The following SLAMF9 variants were observed in gnomAD, a reference collection of about 807,000 sequenced individuals.
The protein encoded by SLAMF9 is CD2 family member 10.
Under a neutral mutation model 30.4 loss-of-function variants are expected in SLAMF9, and 25 were observed. The observed-to-expected ratio is 0.82, with a 90% CI of 0.60 to 1.15. The LOEUF is 1.15. Among genes scored for constraint, SLAMF9 ranks in the 50% most tolerant of loss-of-function variants. The pLI is 0.00. For missense variants in SLAMF9, 344 were observed against 346.1 expected, an observed-to-expected ratio of 0.99 and a Z score of 0.05; for synonymous variants, 129 against 127.2, an observed-to-expected ratio of 1.01 and a Z score of -0.09.
the SLAMF9 span, among the ~76,000 whole-genome samples, chr1:159,970,208 T>C: frequency 1.3e-5 from 2 of 152,190 alleles, no homozygotes; most frequent in Non-Finnish European, 2.9e-5. Context: ...TCTGCCTCCA[T>C]TGAGAATCAC....
At chr1:159,970,264 C>T in the SLAMF9 span, among the ~76,000 whole-genome samples, 1 of 152,244 alleles carries the variant, frequency 6.6e-6, no homozygotes, top group African/African-American at 2.4e-5. Context: ...ACCCAAGCCA[C>T]CTCATATGAG....
At position 159,951,649 on chromosome 1, in the gene SLAMF9, C is replaced by T. The variant is rs746173192; in HGVS notation, c.*12G>A. On this transcript the variant is annotated 3_prime_UTR_variant, in exon 4 of 4. Transcript: ENST00000368093. The stretch of plus-strand genomic sequence containing the variant: ...AGAAACCAAGCTCAGGACTGGGGTT[C>T]CCAAGGAGCAGTCAGGCAGGGCTGG... 3.1e-6 allele frequency: 5 copies of T among 1,613,042 alleles called. No homozygotes were observed. Among genetic ancestry groups the T allele is most frequent in the Non-Finnish European group, 4.2e-6 (5 of 1,179,732 alleles).
At chr1:159,968,060 T>G in the SLAMF9 span, among the ~76,000 whole-genome samples, 1 of 152,240 alleles carries the variant, frequency 6.6e-6, no homozygotes, top group African/African-American at 2.4e-5. Context: ...ACAATTTCAC[T>G]TCTTCCTTTA....
chr1:159,973,407 C>T, the SLAMF9 span: 1 of 506,712 alleles, frequency 2.0e-6, no homozygotes, highest in Non-Finnish European at 3.5e-6. Context: ...GCAGTTTCAT[C>T]ACCAAGACCT....
At chr1:159,975,631 A>C in the SLAMF9 span, among the ~76,000 whole-genome samples, 230 of 152,262 alleles carry the variant, frequency 1.5e-3, no homozygotes, top group African/African-American at 5.2e-3. Context: ...ATGGCTGCCA[A>C]GTAAAGAATG....
the SLAMF9 span, among the ~76,000 whole-genome samples, chr1:159,965,145 G>C: frequency 5.3e-5 from 8 of 152,202 alleles, no homozygotes; most frequent in Admixed American, 3.9e-4. Context: ...CTAGGTGTGG[G>C]ACACAGCAGT....
chr1:159,976,086 AGTGTGTGTGT>A, the SLAMF9 span, among the ~76,000 whole-genome samples: 19,082 of 148,296 alleles, frequency 0.13, 1,215 homozygotes, highest in Middle Eastern at 0.21. Context: ...TATAGGTTGT[AGTGTGTGTGT>A]GTGTGTGTGT....
chr1:159,968,888 T>TA, the SLAMF9 span, among the ~76,000 whole-genome samples: 260 of 151,632 alleles, frequency 1.7e-3, 6 homozygotes, highest in South Asian at 1.0e-3. Context: ...TCATTTCTAC[T>TA]AAAAAAAACA....
chr1:159,964,533 C>T, the SLAMF9 span, among the ~76,000 whole-genome samples: 15 of 152,092 alleles, frequency 9.9e-5, no homozygotes, highest in African/African-American at 3.6e-4. Context: ...ATGGTGTGCT[C>T]TCGCTAAAAG....
the SLAMF9 span, chr1:159,979,056 C>T: frequency 2.6e-5 from 4 of 152,168 alleles, no homozygotes; most frequent in Non-Finnish European, 5.9e-5. Flanking sequence ...AAATGTGTCT[C>T]GTCAATGCTG....
chr1:159,951,964 T>A, intron 3 of SLAMF9, 98 bp from the exon 4 acceptor site: 1 of 1,015,364 alleles, frequency 9.8e-7, no homozygotes, highest in Non-Finnish European at 1.5e-6. Flanking sequence ...GGTCTCAAGT[T>A]CACAATCAGT....
chr1:159,952,473 A>G lies in SLAMF9; in HGVS notation c.453T>C (p.Ser151=), dbSNP rs35614109. The G allele has an allele frequency of 1.7e-3, 2,720 of 1,614,078 alleles. 47 individuals carry two copies. In the African/African-American group the frequency reaches 0.031, roughly 18 times the overall value. ...NFESSGEGAC[S]MSLVCSVEKA... ...TCTCCACAGAGCACACCAGGGACATACTGCAGGCACCTTCCCCAGAACTCT... is the reference window on the plus strand; with the variant it reads ...TCTCCACAGAGCACACCAGGGACATGCTGCAGGCACCTTCCCCAGAACTCT... Residue 151 remains serine, a synonymous_variant, in exon 3 of 4, where the codon AGT becomes AGC. Transcript: ENST00000368093.
chr1:159,951,902 G>A (rs775474135), intron 3 of SLAMF9, 36 bp from the exon 4 acceptor site: 3 of 1,592,094 alleles, frequency 1.9e-6, no homozygotes, highest in Non-Finnish European at 2.6e-6. Flanking sequence ...GCCCATCAGT[G>A]GTAGGGTTGG....
At chr1:159,952,599 C>T in intron 2 of SLAMF9, 65 bp from the exon 3 acceptor site, 4 of 1,558,446 alleles carry the variant, frequency 2.6e-6, no homozygotes, top group Non-Finnish European at 3.5e-6. Flanking sequence ...TTCCTAAGCT[C>T]CTCAAACCTG....
chr1:159,970,354 G>A, the SLAMF9 span, among the ~76,000 whole-genome samples: 1 of 152,318 alleles, frequency 6.6e-6, no homozygotes, highest in Admixed American at 6.5e-5. Flanking sequence ...TATAAAGCAG[G>A]AATATTCAGA....
At chr1:159,976,797 C>T in the SLAMF9 span, 1 of 151,472 alleles carries the variant, frequency 6.6e-6, no homozygotes, top group Non-Finnish European at 1.5e-5. Flanking sequence ...CAGAGCCCAG[C>T]ACCTGTAGTC....
At chr1:159,973,822 C>T in the SLAMF9 span, 1 of 1,613,814 alleles carries the variant, frequency 6.2e-7, no homozygotes, top group South Asian at 1.1e-5. Context: ...ATGGCAGTCT[C>T]TGAAGTTTGT....
the SLAMF9 span, chr1:159,974,050 G>GGA: frequency 1.2e-6 from 2 of 1,600,174 alleles, no homozygotes; most frequent in African/African-American, 2.7e-5. Flanking sequence ...GGCCAGGCTT[G>GGA]GAGGTACAGC....
chr1:159,954,139 T>G lies in SLAMF9; in HGVS notation c.-2A>C. On this transcript the variant is annotated 5_prime_UTR_variant, in exon 1 of 4. Coordinates refer to ENST00000368093, the MANE Select transcript of SLAMF9 (RefSeq NM_033438.4). The stretch of plus-strand genomic sequence containing the variant: ...AAGCAGCCAAGGAAAGGCACACATG[T>G]CAGCAGCCCCCAGCCCCAGAGGTGT... The G allele has an allele frequency of 6.2e-7, 1 of 1,614,036 alleles. No homozygotes were observed. Among genetic ancestry groups the G allele is most frequent in the Non-Finnish European group, 8.5e-7 (1 of 1,179,984 alleles).
Sources: gnomAD v4.1 joint callset for allele counts (sites outside exome capture counted in the v4.1 genomes callset) on GRCh38, gnomAD v4.1.1 for gene constraint, MANE v1.5 for transcripts, NCBI Gene and HGNC (gene_info 2026-07-23, HGNC 2026-07-21) for gene names.